CTNNA3: variants seen among roughly 807,000 people sequenced by gnomAD.
CTNNA3 encodes the protein catenin alpha-3.
In CTNNA3, 76 loss-of-function variants were observed where a neutral mutation model predicts 95.7. The observed-to-expected ratio is 0.79, with a 90% CI of 0.66 to 0.96. The LOEUF (loss-of-function observed/expected upper bound fraction) is 0.96, where lower values mean the gene tolerates loss of function less well. Ranked by LOEUF, CTNNA3 falls within the 40% of genes least tolerant of loss-of-function variation. CTNNA3 has a pLI of 0.00. For missense variants in CTNNA3, 1,191 were observed against 1,089.8 expected (o/e 1.09, Z -1.31); for synonymous variants, 431 against 374.4 (o/e 1.15, Z -1.74).
At chr10:67,536,144 A>G (rs1473768811) in intron 4 of CTNNA3, among the ~76,000 whole-genome samples, 2 of 152,172 alleles carry the variant, frequency 1.3e-5, no homozygotes, top group Non-Finnish European at 2.9e-5. Context: ...AAAAATATAT[A>G]GAAATTCTAT....
In CTNNA3 at chr10:65,966,701, G is replaced by A; in HGVS notation, c.2311C>T (p.Gln771Ter). The A allele has an allele frequency of 6.2e-7, 1 of 1,613,400 alleles. No individual in the cohort carries two copies. Residue 771 changes from glutamine to a stop codon, truncating the protein, a stop_gained, in exon 17 of 18, where the codon CAG (glutamine) becomes TAG (stop). Transcript: ENST00000433211. LOFTEE classifies it high-confidence loss of function. ...AGTTGGTGGGAGTAGAACTTAATCT[G>A]TTCCAGGTAGGCCAACAAGTCCTGT... ...CKQDLLAYLE[Q>*]IKFYSHQLKI...
intron 7 of CTNNA3, among the ~76,000 whole-genome samples, chr10:66,844,915 G>A (rs995212030): frequency 1.1e-4 from 17 of 151,446 alleles, no homozygotes; most frequent in Admixed American, 3.9e-4. Flanking sequence ...TAATAAACCT[G>A]GTTTCAAATA....
intron 7 of CTNNA3, among the ~76,000 whole-genome samples, chr10:66,858,122 A>G (rs965951442): frequency 2.2e-4 from 34 of 152,228 alleles, no homozygotes; most frequent in African/African-American, 7.9e-4. Context: ...AAGATGTTAA[A>G]TTGTATCAAA....
chr10:66,693,738 G>T (rs568394436), intron 9 of CTNNA3, among the ~76,000 whole-genome samples: 1 of 152,008 alleles, frequency 6.6e-6, no homozygotes, highest in Non-Finnish European at 1.5e-5. Flanking sequence ...AAATATAAAA[G>T]AACATAAATT....
chr10:66,055,883 C>G (rs375992747), intron 15 of CTNNA3, among the ~76,000 whole-genome samples: 2 of 137,714 alleles, frequency 1.5e-5, no homozygotes, highest in Non-Finnish European at 3.0e-5. Context: ...GGTCACACCA[C>G]TGCACTCCAG....
chr10:67,690,567 T>A (rs1234100962), intron 1 of CTNNA3, among the ~76,000 whole-genome samples: 1 of 152,138 alleles, frequency 6.6e-6, no homozygotes, highest in African/African-American at 2.4e-5. Context: ...CACAGAGCGC[T>A]GATTGGTGCA....
chr10:67,713,580 T>C (rs1029281192), intron 1 of CTNNA3, among the ~76,000 whole-genome samples: 1 of 152,256 alleles, frequency 6.6e-6, no homozygotes, highest in East Asian at 1.9e-4. Flanking sequence ...GTGGCACATA[T>C]ACACCATGGA....
At chr10:66,763,810 C>T (rs867911278) in intron 9 of CTNNA3, among the ~76,000 whole-genome samples, 10 of 152,174 alleles carry the variant, frequency 6.6e-5, no homozygotes, top group South Asian at 2.1e-4. Context: ...ATGCACCAGT[C>T]GACAACCACA....
chr10:66,793,784 A>T (rs1841078396), intron 7 of CTNNA3, among the ~76,000 whole-genome samples: 1 of 152,074 alleles, frequency 6.6e-6, no homozygotes. Flanking sequence ...TCTTAAATAG[A>T]CTTATGATAT....
At chr10:66,806,261 TTGTGTG>T (rs59596203) in intron 7 of CTNNA3, among the ~76,000 whole-genome samples, 5 of 143,958 alleles carry the variant, frequency 3.5e-5, no homozygotes, top group South Asian at 2.2e-4. Flanking sequence ...ATATTGGTGT[TTGTGTG>T]TGTGTGTGTG....
At chr10:66,003,349 G>GTGTGT (rs2078809483) in intron 15 of CTNNA3, among the ~76,000 whole-genome samples, 1 of 138,530 alleles carries the variant, frequency 7.2e-6, no homozygotes, top group Admixed American at 7.4e-5. Flanking sequence ...TGTGTGTGTG[G>GTGTGT]AGAGAGAGAG....
chr10:66,099,148 G>A (rs2133726132), intron 14 of CTNNA3, among the ~76,000 whole-genome samples: 1 of 152,212 alleles, frequency 6.6e-6, no homozygotes, highest in African/African-American at 2.4e-5. Flanking sequence ...AACTAAAAAG[G>A]CATTTACTCT....
At chr10:66,386,854 C>T (rs2092897178) in intron 11 of CTNNA3, among the ~76,000 whole-genome samples, 1 of 152,128 alleles carries the variant, frequency 6.6e-6, no homozygotes, top group African/African-American at 2.4e-5. Context: ...GAAAGGATTC[C>T]TTATTTAATA....
At chr10:66,656,098 C>A (rs1846065934) in intron 9 of CTNNA3, among the ~76,000 whole-genome samples, 3 of 152,048 alleles carry the variant, frequency 2.0e-5, no homozygotes, top group African/African-American at 7.2e-5. Context: ...GAGAAAACCA[C>A]AGCACAAAGA....
chr10:67,597,193 T>C (rs1564771120), intron 3 of CTNNA3, among the ~76,000 whole-genome samples: 1 of 152,228 alleles, frequency 6.6e-6, no homozygotes, highest in South Asian at 2.1e-4. Context: ...ATTCCTTGGA[T>C]TGGGTTTCAA....
intron 9 of CTNNA3, among the ~76,000 whole-genome samples, chr10:66,686,892 G>T (rs186046199): frequency 1.3e-5 from 2 of 152,090 alleles, no homozygotes; most frequent in Admixed American, 1.3e-4. Context: ...TTGAGTTGTT[G>T]TTGTTTTTTG....
intron 13 of CTNNA3, among the ~76,000 whole-genome samples, chr10:66,221,572 C>T (rs117399275): frequency 0.021 from 3,232 of 152,314 alleles, 37 homozygotes; most frequent in Non-Finnish European, 0.035. Context: ...ATTTTACTCA[C>T]TTTAAATTCA....
intron 13 of CTNNA3, among the ~76,000 whole-genome samples, chr10:66,130,905 A>G (rs1458625798): frequency 6.6e-6 from 1 of 151,676 alleles, no homozygotes; most frequent in East Asian, 1.9e-4. Flanking sequence ...GAATCATCGG[A>G]GACTATTATG....
chr10:66,572,980 CT>C (rs1476302194), intron 10 of CTNNA3, among the ~76,000 whole-genome samples: 2 of 152,100 alleles, frequency 1.3e-5, no homozygotes, highest in Non-Finnish European at 2.9e-5. Context: ...TGTGTTTCCC[CT>C]AATGAAAAAT....
Sources: allele counts gnomAD v4.1 joint callset (sites outside exome capture counted in the v4.1 genomes callset), GRCh38; gene constraint gnomAD v4.1.1; transcripts MANE v1.5; gene names NCBI Gene and HGNC (gene_info 2026-07-23, HGNC 2026-07-21).